SGMS1: variants seen among roughly 807,000 people sequenced by gnomAD.
SGMS1 encodes the protein sphingomyelin synthase 1.
Under a neutral mutation model 46.2 loss-of-function variants are expected in SGMS1, and 13 were observed. The ratio of observed to expected loss-of-function variants is 0.28; its 90% CI spans 0.18 to 0.45. The LOEUF (loss-of-function observed/expected upper bound fraction) is 0.45. Among genes scored for constraint, SGMS1 ranks in the 20% least tolerant of loss-of-function variants. The probability of loss-of-function intolerance (pLI) is 1.00; values close to 1 mark genes in which losing one functional copy is unlikely to be tolerated. For synonymous variants in SGMS1, 203 were observed against 187.8 expected (o/e 1.08, Z -0.66); for missense variants, 324 against 519.9 (o/e 0.62, Z 3.66).
At chr10:50,529,626 T>C (rs1332517033) in intron 2 of SGMS1, among the ~76,000 whole-genome samples, 1 of 152,194 alleles carries the variant, frequency 6.6e-6, no homozygotes, top group East Asian at 1.9e-4. Flanking sequence ...CCTATTCCCT[T>C]TGACTATTCA....
intron 6 of SGMS1, among the ~76,000 whole-genome samples, chr10:50,382,694 G>A (rs1848624724): frequency 6.6e-6 from 1 of 151,484 alleles, no homozygotes; most frequent in African/African-American, 2.4e-5. Flanking sequence ...CGAGCTGACA[G>A]ACTAAATTTA....
At chr10:50,596,779 A>G (rs992431348) in intron 1 of SGMS1, among the ~76,000 whole-genome samples, 12 of 152,210 alleles carry the variant, frequency 7.9e-5, no homozygotes, top group African/African-American at 2.7e-4. Flanking sequence ...TGTTTCCTGC[A>G]TTCTCTCTTA....
intron 3 of SGMS1, among the ~76,000 whole-genome samples, chr10:50,502,437 C>T (rs907391060): frequency 2.6e-5 from 4 of 152,038 alleles, no homozygotes; most frequent in African/African-American, 9.7e-5. Context: ...GAGCCCAGTT[C>T]CTTCTACCTG....
chr10:50,516,418 C>T (rs565614523), intron 3 of SGMS1, among the ~76,000 whole-genome samples: 12 of 152,270 alleles, frequency 7.9e-5, no homozygotes, highest in South Asian at 6.2e-4. Flanking sequence ...ACAACTGACT[C>T]GTTTATATCT....
chr10:50,541,398 T>C (rs565509444), intron 2 of SGMS1, among the ~76,000 whole-genome samples: 1 of 152,322 alleles, frequency 6.6e-6, no homozygotes, highest in East Asian at 1.9e-4. Context: ...ATTACTGCCT[T>C]GTATGGTATA....
chr10:50,545,004 G>A (rs1306027066), intron 2 of SGMS1, among the ~76,000 whole-genome samples: 2 of 152,212 alleles, frequency 1.3e-5, no homozygotes, highest in African/African-American at 4.8e-5. Context: ...AATGAACACA[G>A]CATTGGTGGC....
chr10:50,591,226 G>A (rs1838537837), intron 1 of SGMS1, among the ~76,000 whole-genome samples: 1 of 152,138 alleles, frequency 6.6e-6, no homozygotes, highest in South Asian at 2.1e-4. Context: ...AGGCAGCTAA[G>A]CGTCAGAGAT....
At chr10:50,485,730 T>A (rs1837515504) in intron 3 of SGMS1, among the ~76,000 whole-genome samples, 1 of 152,048 alleles carries the variant, frequency 6.6e-6, no homozygotes, top group African/African-American at 2.4e-5. Flanking sequence ...TGAAACCCTG[T>A]CTCTACTAAA....
intron 3 of SGMS1, among the ~76,000 whole-genome samples, chr10:50,494,819 G>A (rs1450213665): frequency 6.6e-6 from 1 of 151,954 alleles, no homozygotes; most frequent in African/African-American, 2.4e-5. Context: ...GGCGGATCAC[G>A]AGGTCGGGAG....
At chr10:50,428,939 C>T (rs1299988529) in intron 6 of SGMS1, among the ~76,000 whole-genome samples, 1 of 152,232 alleles carries the variant, frequency 6.6e-6, no homozygotes, top group African/African-American at 2.4e-5. Flanking sequence ...ATGCTCAGAA[C>T]ACTTACGTTA....
intron 2 of SGMS1, among the ~76,000 whole-genome samples, chr10:50,525,757 A>G (rs1837895610): frequency 6.6e-6 from 1 of 152,242 alleles, no homozygotes; most frequent in African/African-American, 2.4e-5. Context: ...AGCAATGGAT[A>G]GCATTTTTCC....
chr10:50,571,313 C>G (rs910572494), intron 2 of SGMS1, among the ~76,000 whole-genome samples: 2 of 152,210 alleles, frequency 1.3e-5, no homozygotes, highest in Admixed American at 1.3e-4. Context: ...CTAGAAATGT[C>G]ATGAACAGAC....
intron 2 of SGMS1, among the ~76,000 whole-genome samples, chr10:50,536,729 T>A (rs568850403): frequency 1.3e-5 from 2 of 152,246 alleles, no homozygotes; most frequent in African/African-American, 4.8e-5. Flanking sequence ...ATGTTTTTCA[T>A]ACATTTTGTC....
chr10:50,547,972 G>C (rs577993423), intron 2 of SGMS1, among the ~76,000 whole-genome samples: 3 of 152,202 alleles, frequency 2.0e-5, no homozygotes, highest in African/African-American at 7.2e-5. Context: ...TACAGGAAAG[G>C]CCTTTGATAA....
chr10:50,356,739 T>C (rs1848155832), intron 6 of SGMS1, among the ~76,000 whole-genome samples: 1 of 151,334 alleles, frequency 6.6e-6, no homozygotes, highest in African/African-American at 2.4e-5. Context: ...AATAAAAAAA[T>C]AAAAAATGAT....
intron 6 of SGMS1, among the ~76,000 whole-genome samples, chr10:50,425,073 T>C (rs1849307461): frequency 6.6e-6 from 1 of 152,150 alleles, no homozygotes; most frequent in African/African-American, 2.4e-5. Flanking sequence ...CCAGTTAGAA[T>C]AGCTATTACT....
rs547560994 is a variant in SGMS1 at position 50,376,883 on chromosome 10, A to G, written c.-231-32538T>C. ...GTCTTTGCTATTGTGAATAATGTCA[A>G]TGGGCATTTTTTAAGATGGGCAGCT... On this transcript the variant is annotated intron_variant, in intron 6 of 10. Coordinates refer to ENST00000361781, the MANE Select transcript of SGMS1 (RefSeq NM_147156.4). 2.0e-5 allele frequency among the ~76,000 whole-genome samples: 3 copies of G among 152,236 alleles called. No individual in the cohort carries two copies. The South Asian group carries it at 6.2e-4, about 32-fold the overall frequency.
chr10:50,350,295 G>A (rs1351014757), intron 6 of SGMS1, among the ~76,000 whole-genome samples: 2 of 152,144 alleles, frequency 1.3e-5, no homozygotes, highest in Non-Finnish European at 2.9e-5. Flanking sequence ...GATGTAACCT[G>A]GGTGCTGTTA....
At chr10:50,602,643 A>G (rs1266658128) in intron 1 of SGMS1, among the ~76,000 whole-genome samples, 1 of 152,210 alleles carries the variant, frequency 6.6e-6, no homozygotes, top group African/African-American at 2.4e-5. Flanking sequence ...TGTGATGTTT[A>G]TTTTTCTAAA....
Sources: gnomAD v4.1 joint callset for allele counts (sites outside exome capture counted in the v4.1 genomes callset) on GRCh38, gnomAD v4.1.1 for gene constraint, MANE v1.5 for transcripts, NCBI Gene and HGNC (gene_info 2026-07-23, HGNC 2026-07-21) for gene names.